Variants in TMC4 observed in about 807,000 individuals in gnomAD.
TMC4 encodes the protein voltage-gated chloride channel TMC4.
TMC4 carries 70 observed loss-of-function variants against 82.0 expected under a neutral mutation model. That is an observed-to-expected ratio of 0.85 (90% CI 0.70 to 1.04). The LOEUF is 1.04. TMC4 is among the 50% of genes least tolerant of loss of function. The pLI is 0.00. For synonymous variants in TMC4, 446 were observed against 406.0 expected (o/e 1.10, Z -1.18); for missense variants, 879 against 899.0 (o/e 0.98, Z 0.28).
intron 10 of TMC4, 146 bp downstream of exon 10, chr19:54,162,527 G>T: frequency 4.0e-6 from 3 of 746,818 alleles, no homozygotes; most frequent in South Asian, 3.3e-5. Context: ...CAAGGGCGGG[G>T]AGCGGGGAGA....
At chr19:54,161,767 C>T (rs184587084) in intron 11 of TMC4, among the ~76,000 whole-genome samples, 2 of 152,278 alleles carry the variant, frequency 1.3e-5, no homozygotes, top group African/African-American at 2.4e-5. Context: ...GTCTCAAACT[C>T]CTGACCTCAG....
intron 2 of TMC4, among the ~76,000 whole-genome samples, chr19:54,171,179 G>C (rs2075879841): frequency 1.1e-5 from 1 of 90,390 alleles, no homozygotes; most frequent in East Asian, 3.8e-4. Context: ...CACGATCTTG[G>C]CTCACTGCAA....
chr19:54,166,611 C>T (rs895663498), intron 5 of TMC4, among the ~76,000 whole-genome samples: 10 of 152,134 alleles, frequency 6.6e-5, no homozygotes, highest in African/African-American at 2.4e-4. Context: ...CAACTCAGAC[C>T]GTATTCCCCT....
At chr19:54,164,703 A>C in intron 6 of TMC4, 102 bp from the exon 7 acceptor site, 1 of 1,459,456 alleles carries the variant, frequency 6.9e-7, no homozygotes, top group Non-Finnish European at 9.3e-7. Context: ...ACGTGAACTG[A>C]TGCAGCCGTC....
chr19:54,169,560 C>T lies in TMC4; in HGVS notation c.394G>A (p.Gly132Ser). ...GCCCAGGGCTGCAGGCTTCGCAAGC[C>T]TTCCTTTGTTTTCTCCTTGGACCTC... ...LRRSKEKTKE[G>S]LRSLQPWAWT... Residue 132 changes from glycine (G) to serine (S), a missense_variant, in exon 3 of 15, where the codon GGC becomes AGC. By Grantham distance (56) the Gly-to-Ser change is moderately conservative (BLOSUM62 0). Coordinates refer to ENST00000619895, the MANE Select transcript of TMC4 (RefSeq NM_144686.4). 1 of 1,613,956 alleles carries T rather than the reference C, an allele frequency of 6.2e-7. No homozygotes were observed. Among genetic ancestry groups the T allele is most frequent in the Non-Finnish European group, 8.5e-7 (1 of 1,180,030 alleles).
intron 9 of TMC4, 93 bp from the exon 10 acceptor site, chr19:54,162,863 C>A: frequency 1.3e-6 from 2 of 1,501,882 alleles, no homozygotes; most frequent in Non-Finnish European, 9.2e-7. Flanking sequence ...CCTATGAGAC[C>A]CTGTCAATAC....
Position 54,160,752 on chromosome 19 carries a change from G to C in TMC4, c.1973+126C>G, listed in dbSNP as rs972611303. 9.4e-5 allele frequency: 133 copies of C among 1,408,156 alleles called. 1 individual carries two copies. The African/African-American group carries it at 1.8e-3, about 19-fold the overall frequency. The allele number at this position is 1,408,156 out of a possible 1,614,324, so 87.2% of individuals were successfully genotyped here. A position where few individuals can be genotyped will look rare whatever the true frequency, so the allele number is the denominator to read the frequency against. On this transcript the variant is annotated intron_variant, in intron 13 of 14. Coordinates refer to ENST00000619895, the MANE Select transcript of TMC4 (RefSeq NM_144686.4). Reference sequence around the variant, plus strand: ...TCGGACCCAGCAGTCCAGGAGCCTAGGCCTCCTCCCTCAGACTCAGTACGT... The same window carrying C: ...TCGGACCCAGCAGTCCAGGAGCCTACGCCTCCTCCCTCAGACTCAGTACGT...
chr19:54,160,959 G>T lies in TMC4; in HGVS notation c.1892C>A (p.Ser631Tyr), dbSNP rs1600547124. 1.2e-6 allele frequency: 2 copies of T among 1,614,198 alleles called. No homozygotes were observed. Among genetic ancestry groups the T allele is most frequent in the Non-Finnish European group, 1.7e-6 (2 of 1,180,032 alleles). The stretch of plus-strand genomic sequence containing the variant: ...ATTCTGGGTGGTCTCAGGGAGGCTG[G>T]AAATAGACTCAGGGATCTGGGCCCA... Reference protein sequence around the residue: ...SIWAQIPESISSLPETTQNFL... With the variant: ...SIWAQIPESIYSLPETTQNFL... Residue 631 changes from serine to tyrosine, a missense_variant, in exon 13 of 15, where the codon TCC (serine) becomes TAC (tyrosine). Ser to Tyr is a moderately radical substitution (Grantham distance 144). Coordinates refer to ENST00000619895, the MANE Select transcript of TMC4 (RefSeq NM_144686.4).
Position 54,160,459 on chromosome 19 carries a change from T to C in TMC4, c.2052+8A>G, listed in dbSNP as rs2075513452. ...CCAGGGGCCCTCTCAGGGACCCGCC[T>C]GGCTCACCGTCTCTCTCTGACGTTT... On this transcript the variant is annotated splice_region_variant and intron_variant, in intron 14 of 14. Coordinates refer to ENST00000619895, the MANE Select transcript of TMC4 (RefSeq NM_144686.4). 1.2e-6 allele frequency: 2 copies of C among 1,613,208 alleles called. No homozygotes were observed. Among genetic ancestry groups the C allele is most frequent in the Non-Finnish European group, 1.7e-6 (2 of 1,179,412 alleles).
At chr19:54,166,647 C>T (rs1015520966) in intron 5 of TMC4, among the ~76,000 whole-genome samples, 1 of 152,092 alleles carries the variant, frequency 6.6e-6, no homozygotes, top group Non-Finnish European at 1.5e-5. Context: ...CAGGGCTTTT[C>T]CCTTCTCTTA....
Position 54,169,559 on chromosome 19 carries a change from C to A in TMC4, c.395G>T (p.Gly132Val). The A allele has an allele frequency of 1.2e-6, 2 of 1,613,928 alleles. No individual in the cohort carries two copies. The highest frequency in any genetic ancestry group is 1.1e-5 in the South Asian group (1 of 91,072). ...CGCCCAGGGCTGCAGGCTTCGCAAG[C>A]CTTCCTTTGTTTTCTCCTTGGACCT... ...LRRSKEKTKE[G>V]LRSLQPWAWT... The change falls in exon 3 of 15, where the codon GGC becomes GTC. Residue 132 changes from glycine (G) to valine (V), a missense_variant. By Grantham distance (109) the Gly-to-Val change is moderately radical. Coordinates refer to ENST00000619895, the MANE Select transcript of TMC4 (RefSeq NM_144686.4).
chr19:54,160,993 A>G lies in TMC4; in HGVS notation c.1858T>C (p.Ser620Pro). The G allele has an allele frequency of 6.2e-7, 1 of 1,614,184 alleles. No homozygotes were observed. Among genetic ancestry groups the G allele is most frequent in the Non-Finnish European group, 8.5e-7 (1 of 1,180,028 alleles). The change falls in exon 13 of 15, where the codon TCG (serine) becomes CCG (proline). Residue 620 changes from serine to proline, a missense_variant. Ser to Pro is a moderately conservative substitution (Grantham distance 74, BLOSUM62 -1). Transcript: ENST00000619895. The part of the protein sequence containing the change: ...SKLCGPFRGQ[S>P]SIWAQIPESI... ...TCAGGGATCTGGGCCCAGATGGACG[A>G]CTGCCCCCGGAATGGACCACACAGC... is the stretch of plus-strand genomic sequence containing the variant.
intron 6 of TMC4, 150 bp downstream of exon 6, chr19:54,165,269 C>T (rs951650539): frequency 5.1e-5 from 49 of 952,710 alleles, no homozygotes; most frequent in Non-Finnish European, 6.8e-5. Flanking sequence ...CTCCTCTCAA[C>T]CTTCTCATTC....
In TMC4 at chr19:54,163,711, G is replaced by T; in HGVS notation, c.1277+13C>A. ...CCCTTCATCATTCCCAGCCATCCCC[G>T]TGAGGCTGGAACCTGAGCAGGATAA... On this transcript the variant is annotated intron_variant, in intron 8 of 14. Coordinates refer to ENST00000619895, the MANE Select transcript of TMC4 (RefSeq NM_144686.4). 8 of 1,613,684 alleles carry T rather than the reference G, an allele frequency of 5.0e-6. No homozygotes were observed. The highest frequency in any genetic ancestry group is 6.8e-6 in the Non-Finnish European group (8 of 1,179,820).
intron 3 of TMC4, among the ~76,000 whole-genome samples, chr19:54,169,182 C>T (rs192347042): frequency 9.3e-5 from 14 of 150,060 alleles, no homozygotes; most frequent in African/African-American, 3.2e-4. Context: ...TACAGGCGTG[C>T]GCCACCATGC....
Position 54,163,869 on chromosome 19 carries a change from C to G in TMC4, c.1132G>C (p.Glu378Gln). The G allele has an allele frequency of 6.2e-7, 1 of 1,614,074 alleles. No homozygotes were observed. Residue 378 changes from glutamate to glutamine, a missense_variant, in exon 8 of 15, where the codon GAG becomes CAG. Glu to Gln is a conservative substitution (Grantham distance 29, BLOSUM62 2). Transcript: ENST00000619895. ...VELQEMPLVQ[E>Q]LPLLKLGVNY... ...ACCCCAAGCTTCAGCAGTGGCAACT[C>G]CTGGACAAGGGGCATCTCCTGGGAG...
intron 11 of TMC4, 56 bp from the exon 12 acceptor site, chr19:54,161,316 ATTTTTT>A (rs765095573): frequency 1.0e-4 from 111 of 1,093,488 alleles, no homozygotes; most frequent in Middle Eastern, 6.9e-4. Flanking sequence ...CTGTGCCTCC[ATTTTTT>A]TTTTTTTTTT....
intron 8 of TMC4, 109 bp from the exon 9 acceptor site, chr19:54,163,268 G>A (rs2075613277): frequency 2.3e-6 from 3 of 1,330,916 alleles, no homozygotes; most frequent in East Asian, 4.9e-5. Context: ...ATGAAGCTGA[G>A]GCCCAGTGAC....
At position 54,171,971 on chromosome 19, in the gene TMC4, T is replaced by TCCTCCATCCTCCTCCTCCTCCTC. The variant is rs1313510920; in HGVS notation, c.169_191dup (p.Ser66ArgfsTer86). ...CTTCTGTGAAGGCCTTTCTGCTCCT[T>TCCTCCATCCTCCTCCTCCTCCTC]CCTCCATCCTCCTCCTCCTCCTCCA... On this transcript the variant is annotated frameshift_variant, in exon 2 of 15. Coordinates refer to ENST00000619895, the MANE Select transcript of TMC4 (RefSeq NM_144686.4). LOFTEE classifies it high-confidence loss of function. 6.2e-7 allele frequency: 1 copy of TCCTCCATCCTCCTCCTCCTCCTC among 1,613,410 alleles called. No homozygotes were observed. The highest frequency in any genetic ancestry group is 8.5e-7 in the Non-Finnish European group (1 of 1,179,726).
Sources: allele counts gnomAD v4.1 joint callset (sites outside exome capture counted in the v4.1 genomes callset), GRCh38; gene constraint gnomAD v4.1.1; transcripts MANE v1.5; gene names NCBI Gene and HGNC (gene_info 2026-07-23, HGNC 2026-07-21).